SHROOM3: variants seen among roughly 807,000 people sequenced by gnomAD.
SHROOM3 encodes shroom family member 3.
SHROOM3 carries 47 observed loss-of-function variants against 138.6 expected under a neutral mutation model. The observed-to-expected ratio is 0.34, with a 90% CI of 0.27 to 0.43. SHROOM3 has a LOEUF of 0.43. Ranked by LOEUF, SHROOM3 falls within the 20% of genes least tolerant of loss-of-function variation. The pLI, the probability that SHROOM3 is intolerant of heterozygous loss-of-function variation, is 1.00. For synonymous variants in SHROOM3, 1,062 were observed against 1,063.3 expected (o/e 1.00, Z 0.02); for missense variants, 2,491 against 2,596.5 (o/e 0.96, Z 0.88).
At chr4:76,725,548 T>TA (rs1335270392) in intron 3 of SHROOM3, among the ~76,000 whole-genome samples, 1 of 152,194 alleles carries the variant, frequency 6.6e-6, no homozygotes, top group African/African-American at 2.4e-5. Flanking sequence ...TAAGGATAAT[T>TA]AAATATTTTT....
At chr4:76,631,201 A>ATTTTTT (rs746759523) in intron 2 of SHROOM3, among the ~76,000 whole-genome samples, 4 of 89,730 alleles carry the variant, frequency 4.5e-5, no homozygotes, top group Admixed American at 1.2e-4. Flanking sequence ...CTTTTTTTTA[A>ATTTTTT]TCTTTTTTTT....
intron 2 of SHROOM3, among the ~76,000 whole-genome samples, chr4:76,705,375 T>G (rs72663210): frequency 0.13 from 19,967 of 152,176 alleles, 1,586 homozygotes; most frequent in East Asian, 0.21. Context: ...TGCATGCCTG[T>G]GATCCCAGAT....
At chr4:76,736,110 T>C (rs1012288754) in intron 4 of SHROOM3, among the ~76,000 whole-genome samples, 2 of 142,164 alleles carry the variant, frequency 1.4e-5, no homozygotes, top group Non-Finnish European at 3.1e-5. Context: ...TGGGGTTCCA[T>C]TTCCCCTGGA....
chr4:76,552,884 A>G (rs1325762059), intron 1 of SHROOM3, among the ~76,000 whole-genome samples: 4 of 152,092 alleles, frequency 2.6e-5, no homozygotes, highest in Admixed American at 2.6e-4. Context: ...ATTGACGTCT[A>G]TAAGTATCCA....
intron 1 of SHROOM3, among the ~76,000 whole-genome samples, chr4:76,440,346 T>C (rs573396331): frequency 6.6e-6 from 1 of 152,340 alleles, no homozygotes; most frequent in South Asian, 2.1e-4. Flanking sequence ...TTTGAACTCA[T>C]GCATTCTGGT....
At chr4:76,704,899 A>G (rs370296703) in intron 2 of SHROOM3, among the ~76,000 whole-genome samples, 7 of 152,222 alleles carry the variant, frequency 4.6e-5, no homozygotes, top group African/African-American at 1.2e-4. Context: ...CACTTCCCTA[A>G]GGTTGTAACA....
intron 2 of SHROOM3, among the ~76,000 whole-genome samples, chr4:76,574,025 T>C (rs988743780): frequency 6.6e-6 from 1 of 152,116 alleles, no homozygotes; most frequent in African/African-American, 2.4e-5. Context: ...CCTGAGCCCT[T>C]TGACATTCTC....
intron 2 of SHROOM3, among the ~76,000 whole-genome samples, chr4:76,565,745 C>T (rs571131373): frequency 3.3e-5 from 5 of 152,192 alleles, no homozygotes; most frequent in African/African-American, 4.8e-5. Context: ...GGATTACAGG[C>T]GTGAACCTCC....
intron 1 of SHROOM3, among the ~76,000 whole-genome samples, chr4:76,542,423 A>C (rs1048237161): frequency 1.3e-5 from 2 of 152,234 alleles, no homozygotes; most frequent in African/African-American, 4.8e-5. Flanking sequence ...AGATGGAATT[A>C]AGGTTGTTAA....
At chr4:76,586,004 A>C (rs532605417) in intron 2 of SHROOM3, 1 of 152,666 alleles carries the variant, frequency 6.6e-6, no homozygotes, top group East Asian at 1.9e-4. Context: ...CCCTAGAGCG[A>C]CACTTGTTGG....
rs542445982 is a variant in SHROOM3 at position 76,489,483 on chromosome 4, A to G, written c.168+53263A>G. ...AATCTTAACTATGGCATAATGAAAC[A>G]AAGACCACCACTTCTTTTTTCTTTC... On this transcript the variant is annotated intron_variant, in intron 1 of 10. Transcript: ENST00000296043. Among the ~76,000 whole-genome samples the G allele has an allele frequency of 8.5e-5, 13 of 152,352 alleles. No homozygotes were observed. In the South Asian group the frequency reaches 1.9e-3, roughly 22 times the overall value.
intron 1 of SHROOM3, among the ~76,000 whole-genome samples, chr4:76,452,987 G>A (rs531417585): frequency 3.3e-5 from 5 of 152,244 alleles, no homozygotes; most frequent in Non-Finnish European, 7.4e-5. Context: ...CAGAGTGCTA[G>A]GATTACAGGC....
intron 1 of SHROOM3, among the ~76,000 whole-genome samples, chr4:76,490,836 A>T (rs1713964792): frequency 6.6e-6 from 1 of 152,334 alleles, no homozygotes. Flanking sequence ...CTGTACTAGC[A>T]TCACCTCCAT....
At chr4:76,683,510 C>A (rs185551397) in intron 2 of SHROOM3, among the ~76,000 whole-genome samples, 2 of 150,458 alleles carry the variant, frequency 1.3e-5, no homozygotes, top group African/African-American at 2.5e-5. Flanking sequence ...TCCTCCATCT[C>A]TTTTCTCTCT....
In SHROOM3 at chr4:76,740,432, A is replaced by T. The variant is rs1578008460; in HGVS notation, c.2259A>T (p.Thr753=). 1 of 1,612,640 alleles carries T rather than the reference A, an allele frequency of 6.2e-7. No individual in the cohort carries two copies. The highest frequency in any genetic ancestry group is 2.2e-5 in the East Asian group (1 of 44,826). Reference sequence around the variant, plus strand: ...CGCCTGCCCCCTCGCACCCGCACACATCCAGTCTGGGCCGGAGGGGGCCCG... The same window carrying T: ...CGCCTGCCCCCTCGCACCCGCACACTTCCAGTCTGGGCCGGAGGGGGCCCG... The part of the protein sequence containing the change: ...EEPPAPSHPH[T]SSLGRRGPGP... Residue 753 remains threonine (T), a synonymous_variant, in exon 5 of 11, where the codon ACA becomes ACT. Transcript: ENST00000296043. The surrounding 1 kb of genome is among the most constrained non-coding windows in gnomAD (Gnocchi z 4.0).
At chr4:76,773,975 G>A (rs56368232) in intron 10 of SHROOM3, among the ~76,000 whole-genome samples, 4,949 of 152,220 alleles carry the variant, frequency 0.033, 157 homozygotes, top group Admixed American at 0.096. Context: ...CCTGGGGAGG[G>A]GCAAGATTGA....
At chr4:76,753,493 T>C (rs1452259752) in intron 6 of SHROOM3, among the ~76,000 whole-genome samples, 1 of 152,204 alleles carries the variant, frequency 6.6e-6, no homozygotes, top group Non-Finnish European at 1.5e-5. Context: ...AGACAGGGAA[T>C]GTACAAATCA....
intron 1 of SHROOM3, among the ~76,000 whole-genome samples, chr4:76,437,661 TAG>T (rs1465154769): frequency 6.6e-6 from 1 of 152,156 alleles, no homozygotes; most frequent in Non-Finnish European, 1.5e-5. Flanking sequence ...ACAGACTGAT[TAG>T]GATTTCTTTC....
chr4:76,747,077 C>G (rs1420951911), intron 5 of SHROOM3, among the ~76,000 whole-genome samples: 1 of 152,106 alleles, frequency 6.6e-6, no homozygotes, highest in Non-Finnish European at 1.5e-5. Flanking sequence ...CTCTGCCTCC[C>G]AAAGTGCTGG....
Sources: gnomAD v4.1 joint callset for allele counts (sites outside exome capture counted in the v4.1 genomes callset) on GRCh38, gnomAD v4.1.1 for gene constraint, Gnocchi (gnomAD v3.1) non-coding constraint, MANE v1.5 for transcripts, NCBI Gene and HGNC (gene_info 2026-07-23, HGNC 2026-07-21) for gene names.